Variants in DPP8 observed in about 807,000 individuals in gnomAD.
DPP8 encodes the protein dipeptidyl peptidase 8.
In DPP8, 31 loss-of-function variants were observed where a neutral mutation model predicts 107.5. That is an observed-to-expected ratio of 0.29 (90% CI 0.22 to 0.39). The LOEUF (loss-of-function observed/expected upper bound fraction) is 0.39. Ranked by LOEUF, DPP8 falls within the 10% of genes least tolerant of loss-of-function variation. DPP8 has a pLI of 1.00. For synonymous variants in DPP8, 381 were observed against 356.6 expected (o/e 1.07, Z -0.77); for missense variants, 842 against 1,076.1 (o/e 0.78, Z 3.04).
intron 17 of DPP8, 24 bp from the exon 18 acceptor site, chr15:65,452,126 C>T (rs1482321764): frequency 6.3e-7 from 1 of 1,588,802 alleles, no homozygotes; most frequent in African/African-American, 1.4e-5. Context: ...CATTGACAGT[C>T]AAGTGTGGTC....
In DPP8 at chr15:65,469,611, C is replaced by CCATTGCA. The variant is rs144978217; in HGVS notation, c.1537-2395_1537-2389dup. Among the ~76,000 whole-genome samples, 1,288 of 144,750 alleles carry CCATTGCA rather than the reference C, an allele frequency of 8.9e-3. 20 individuals carry two copies. Among genetic ancestry groups the CCATTGCA allele is most frequent in the African/African-American group, 0.032 (1,209 of 38,342 alleles). 95.0% of individuals were successfully genotyped at this position (144,750 alleles called of 152,430 possible). A position where few individuals can be genotyped will look rare whatever the true frequency, so the allele number is the denominator to read the frequency against. ...GAAGTTGCAGTGAGCCAAGATCATG[C>CCATTGCA]CATTGCACTCTAGCCTGGGCAACAA... On this transcript the variant is annotated intron_variant, in intron 12 of 19. Transcript: ENST00000300141.
At chr15:65,477,023 T>C (rs770881262) in intron 11 of DPP8, among the ~76,000 whole-genome samples, 3 of 151,702 alleles carry the variant, frequency 2.0e-5, no homozygotes, top group Admixed American at 6.6e-5. Context: ...CTGCCAGAGA[T>C]TGGGGGAAGG....
chr15:65,512,654 G>C, intron 1 of DPP8, 90 bp from the exon 2 acceptor site: 2 of 1,433,798 alleles, frequency 1.4e-6, no homozygotes, highest in Non-Finnish European at 1.9e-6. Context: ...AAGCGGGGGA[G>C]TGGGGAGGGC....
rs1480765343 is a variant in DPP8, at chr15:65,454,588, G to A, written c.2119-173C>T. 5.9e-5 allele frequency among the ~76,000 whole-genome samples: 9 copies of A among 152,140 alleles called. 1 individual carries two copies. In the South Asian group the frequency reaches 1.0e-3, roughly 18 times the overall value. On this transcript the variant is annotated intron_variant, in intron 16 of 19. Coordinates refer to ENST00000300141, the MANE Select transcript of DPP8 (RefSeq NM_130434.5). Reference sequence around the variant, plus strand: ...GTCACCCAGGCTGGAGTGCAATGACGCAGTCTCGGCTCACTGCAACCTCCG... The same window carrying A: ...GTCACCCAGGCTGGAGTGCAATGACACAGTCTCGGCTCACTGCAACCTCCG...
At chr15:65,484,687 A>T (rs1033391113) in intron 8 of DPP8, among the ~76,000 whole-genome samples, 1 of 151,882 alleles carries the variant, frequency 6.6e-6, no homozygotes. Flanking sequence ...TAGAAGAGCA[A>T]GACTTTTTTA....
At chr15:65,453,730 A>G (rs989628245) in intron 17 of DPP8, among the ~76,000 whole-genome samples, 5 of 152,000 alleles carry the variant, frequency 3.3e-5, no homozygotes, top group African/African-American at 1.2e-4. Flanking sequence ...ACAAAACAAA[A>G]CAGAACAACA....
intron 2 of DPP8, 132 bp downstream of exon 2, chr15:65,512,163 T>C (rs1388954986): frequency 6.7e-6 from 6 of 894,412 alleles, no homozygotes; most frequent in Admixed American, 4.4e-5. Flanking sequence ...CTTCAAATTA[T>C]AGGCTTTTCT....
rs2063510016 is a variant in DPP8, at chr15:65,446,666, C to T, written c.*218G>A. On this transcript the variant is annotated 3_prime_UTR_variant, in exon 20 of 20. Transcript: ENST00000300141. ...ATTCTTATGGTATTGCTGGGTCTCT[C>T]AGGAATATGTATCATTTGATTTTGA... The T allele has an allele frequency of 1.5e-5, 3 of 195,190 alleles. No individual in the cohort carries two copies. Among genetic ancestry groups the T allele is most frequent in the South Asian group, 3.7e-4 (2 of 5,386 alleles). The allele number at this position is 195,190 out of a possible 1,614,324, so 12.1% of individuals were successfully genotyped here.
In DPP8 at chr15:65,466,690, A is replaced by G. The variant is rs1330955243; in HGVS notation, c.1813T>C (p.Leu605=). The change falls in exon 14 of 20, where the codon TTG becomes CTG. Residue 605 remains leucine (L), a synonymous_variant. Coordinates refer to ENST00000300141, the MANE Select transcript of DPP8 (RefSeq NM_130434.5). ...CKTKEFWATI[L]DSAGPLPDYT... ...GAAAAAAGAATACCTGCTGAATCCA[A>G]AATGGTGGCCCAAAATTCCTTTGTT... 1.2e-6 allele frequency: 2 copies of G among 1,614,002 alleles called. No homozygotes were observed. The highest frequency in any genetic ancestry group is 1.7e-6 in the Non-Finnish European group (2 of 1,179,992).
At chr15:65,447,070 A>G in intron 19 of DPP8, 64 bp from the exon 20 acceptor site, 1 of 1,308,420 alleles carries the variant, frequency 7.6e-7, no homozygotes, top group South Asian at 1.5e-5. Flanking sequence ...ATCTTCTTCC[A>G]AAGCTTTCCA....
chr15:65,448,131 T>C (rs1465294792), intron 19 of DPP8, among the ~76,000 whole-genome samples: 1 of 152,076 alleles, frequency 6.6e-6, no homozygotes, highest in Non-Finnish European at 1.5e-5. Context: ...TTCCCTGTAG[T>C]CTCAGCTACT....
chr15:65,513,433 T>C (rs2141131805), intron 1 of DPP8, among the ~76,000 whole-genome samples: 1 of 152,238 alleles, frequency 6.6e-6, no homozygotes, highest in Middle Eastern at 3.4e-3. Flanking sequence ...AGGATGGTCT[T>C]GATCTCCTGA....
Position 65,455,737 on chromosome 15 carries a change from A to G in DPP8, c.2118+488T>C, listed in dbSNP as rs992408895. On this transcript the variant is annotated intron_variant, in intron 16 of 19. Transcript: ENST00000300141. ...TCAGCATGTCCAATAACACTGGCAA[A>G]CACAGTAACTGCCTTACTGTGCAAA... 5.5e-6 allele frequency: 7 copies of G among 1,269,082 alleles called. No individual in the cohort carries two copies. In the African/African-American group the frequency reaches 7.7e-5, roughly 14 times the overall value. The allele number at this position is 1,269,082 out of a possible 1,614,324, so 78.6% of individuals were successfully genotyped here.
chr15:65,443,527 G>C lies in DPP8; in HGVS notation c.*3357C>G, dbSNP rs1303819468. On this transcript the variant is annotated 3_prime_UTR_variant, in exon 20 of 20. Transcript: ENST00000300141. ...AAAAGTAAGCATCGGTATCAATATCGCATTCTTTTAAAAGGTAATGCATGC... is the reference window on the plus strand; with the variant it reads ...AAAAGTAAGCATCGGTATCAATATCCCATTCTTTTAAAAGGTAATGCATGC... The C allele has an allele frequency of 5.3e-5, 8 of 151,550 alleles. No homozygotes were observed. The allele number at this position is 151,550 out of a possible 1,614,324, so 9.4% of individuals were successfully genotyped here.
At chr15:65,482,119 A>AT (rs2066986883) in intron 8 of DPP8, among the ~76,000 whole-genome samples, 1 of 152,042 alleles carries the variant, frequency 6.6e-6, no homozygotes, top group Non-Finnish European at 1.5e-5. Context: ...TGCCTTCACA[A>AT]TTTCTCAGGC....
chr15:65,443,202 AC>A lies in DPP8; in HGVS notation c.*3681del, dbSNP rs1402347760. ...TTAATAAATATTTCTTTAAAAATTT[AC>A]CTTTTCTATATATCATTTAACTACC... On this transcript the variant is annotated 3_prime_UTR_variant, in exon 20 of 20. Transcript: ENST00000300141. 1 of 152,204 alleles carries A rather than the reference AC, an allele frequency of 6.6e-6. No homozygotes were observed. The highest frequency in any genetic ancestry group is 1.5e-5 in the Non-Finnish European group (1 of 68,036). The allele number at this position is 152,204 out of a possible 1,614,324, so 9.4% of individuals were successfully genotyped here.
intron 14 of DPP8, among the ~76,000 whole-genome samples, chr15:65,466,327 CG>C (rs3837705): frequency 0.19 from 28,700 of 151,962 alleles, 2,904 homozygotes; most frequent in African/African-American, 0.25. Flanking sequence ...TTAGTGGAGA[CG>C]GGGTTTTACT....
rs540742121 is a variant in DPP8 at position 65,502,562 on chromosome 15, C to T, written c.373-1783G>A. Among the ~76,000 whole-genome samples the T allele has an allele frequency of 5.3e-5, 8 of 151,990 alleles. No individual in the cohort carries two copies. The East Asian group carries it at 1.2e-3, about 22-fold the overall frequency. On this transcript the variant is annotated intron_variant, in intron 3 of 19. Coordinates refer to ENST00000300141, the MANE Select transcript of DPP8 (RefSeq NM_130434.5). ...GCATGCTGGTGCGCATCTGTAGTCC[C>T]GGCTACTCAGAAGGCTGAGGCAGGA...
At chr15:65,447,084 ATTT>A in intron 19 of DPP8, 78 bp from the exon 20 acceptor site, 2 of 1,162,190 alleles carry the variant, frequency 1.7e-6, no homozygotes, top group Non-Finnish European at 2.4e-6. Flanking sequence ...CTTTCCAGAG[ATTT>A]TTAACAGGAT....
Sources: allele counts gnomAD v4.1 joint callset (sites outside exome capture counted in the v4.1 genomes callset), GRCh38; gene constraint gnomAD v4.1.1; transcripts MANE v1.5; gene names NCBI Gene and HGNC (gene_info 2026-07-23, HGNC 2026-07-21).